The following ABCC1 variants were observed in gnomAD, a reference collection of about 807,000 sequenced individuals.
ABCC1 encodes the protein multidrug resistance-associated protein 1.
Under a neutral mutation model 172.9 loss-of-function variants are expected in ABCC1, and 83 were observed. The observed-to-expected ratio is 0.48, with a 90% CI of 0.40 to 0.58. The LOEUF is 0.58. ABCC1 is among the 20% of genes least tolerant of loss of function. ABCC1 has a pLI of 0.00. For synonymous variants in ABCC1, 937 were observed against 825.2 expected (o/e 1.14, Z -2.32); for missense variants, 1,817 against 2,002.7 (o/e 0.91, Z 1.77).
chr16:16,023,500 C>T (rs960396654), intron 5 of ABCC1, among the ~76,000 whole-genome samples: 5 of 152,174 alleles, frequency 3.3e-5, no homozygotes, highest in African/African-American at 1.2e-4. Flanking sequence ...GATCTTGGAC[C>T]GTTGATTAAA....
At chr16:16,038,670 C>T (rs921514371) in intron 7 of ABCC1, among the ~76,000 whole-genome samples, 31 of 152,140 alleles carry the variant, frequency 2.0e-4, no homozygotes, top group South Asian at 4.1e-4. Context: ...ATCTGGGTAT[C>T]CCTTAACCCA....
At chr16:16,051,104 G>A (rs1406758423) in intron 10 of ABCC1, among the ~76,000 whole-genome samples, 1 of 151,762 alleles carries the variant, frequency 6.6e-6, no homozygotes, top group Admixed American at 6.6e-5. Context: ...GCTCAGCACT[G>A]TTGACACTTG....
chr16:16,032,321 G>A (rs1360947566), intron 5 of ABCC1, among the ~76,000 whole-genome samples: 1 of 152,194 alleles, frequency 6.6e-6, no homozygotes, highest in Non-Finnish European at 1.5e-5. Flanking sequence ...TATTTATCTT[G>A]TGAGGTGAGG....
Position 16,090,796 on chromosome 16 carries a change from A to T in ABCC1, c.2644+208A>T, listed in dbSNP as rs190227578. 3.9e-3 allele frequency among the ~76,000 whole-genome samples: 591 copies of T among 152,200 alleles called. 6 individuals carry two copies. The highest frequency in any genetic ancestry group is 6.5e-3 in the Admixed American group (99 of 15,286). On this transcript the variant is annotated intron_variant, in intron 19 of 30. Transcript: ENST00000399410. Reference sequence around the variant, plus strand: ...AACTGGGAGAGAGTCTCGGTGCTTTATGGCCAGGGGATGGGAGCACCAGGC... The same window carrying T: ...AACTGGGAGAGAGTCTCGGTGCTTTTTGGCCAGGGGATGGGAGCACCAGGC...
At chr16:16,088,359 G>A (rs1477425930) in intron 18 of ABCC1, among the ~76,000 whole-genome samples, 2 of 152,146 alleles carry the variant, frequency 1.3e-5, no homozygotes, top group Non-Finnish European at 2.9e-5. Context: ...GCCGGAGAAT[G>A]TCTTGAACCC....
chr16:16,131,871 G>C lies in ABCC1; in HGVS notation c.3902G>C (p.Arg1301Pro). The change falls in exon 27 of 31, where the codon CGC becomes CCC. Residue 1301 changes from arginine (R) to proline (P), a missense_variant. By Grantham distance (103) the Arg-to-Pro change is moderately radical. This residue lies in a region of ABCC1 where 1,412 missense variants were observed against 1,600.3 expected (regional missense o/e 0.88). Transcript: ENST00000399410. ...GRVEFRNYCLRYREDLDFVLR... is the reference protein window; with the variant it reads ...GRVEFRNYCLPYREDLDFVLR... ...GTGGAATTCCGGAACTACTGCCTGC[G>C]CTACCGAGAGGACCTGGACTTCGTT... is the stretch of plus-strand genomic sequence containing the variant. The C allele has an allele frequency of 6.2e-7, 1 of 1,614,176 alleles. No individual in the cohort carries two copies.
At chr16:16,132,554 C>G (rs370188251) in intron 27 of ABCC1, among the ~76,000 whole-genome samples, 1 of 94,834 alleles carries the variant, frequency 1.1e-5, no homozygotes, top group Non-Finnish European at 1.9e-5. Flanking sequence ...TGGAGTCTTA[C>G]TCTGTTGCCA....
rs564043788 is a variant in ABCC1 at position 16,056,621 on chromosome 16, A to G, written c.1677+326A>G. ...GAGGCGACGGTTGGAGTGGGCCAAG[A>G]TCACGCCAGTGCACTCCAGCCTGGG... On this transcript the variant is annotated intron_variant, in intron 12 of 30. Coordinates refer to ENST00000399410, the MANE Select transcript of ABCC1 (RefSeq NM_004996.4). 1.3e-5 allele frequency: 5 copies of G among 382,864 alleles called. No homozygotes were observed. The East Asian group carries it at 2.4e-4, about 18-fold the overall frequency. 23.7% of individuals were successfully genotyped at this position (382,864 alleles called of 1,614,324 possible). A position where few individuals can be genotyped will look rare whatever the true frequency, so the allele number is the denominator to read the frequency against.
intron 19 of ABCC1, among the ~76,000 whole-genome samples, chr16:16,095,892 C>T (rs943094120): frequency 6.6e-6 from 1 of 152,102 alleles, no homozygotes; most frequent in African/African-American, 2.4e-5. Context: ...AATATTTTTC[C>T]CTCTTAAGTA....
chr16:16,026,465 C>CTTT (rs1157942197), intron 5 of ABCC1, among the ~76,000 whole-genome samples: 14 of 95,494 alleles, frequency 1.5e-4, no homozygotes, highest in African/African-American at 3.3e-4. Flanking sequence ...AGGCTATTTC[C>CTTT]TTTTTTTTTT....
At chr16:16,019,227 C>T (rs535846441) in intron 5 of ABCC1, among the ~76,000 whole-genome samples, 118 of 152,196 alleles carry the variant, frequency 7.8e-4, no homozygotes, top group African/African-American at 2.8e-3. Context: ...CTTCAGCCTC[C>T]TGAGTAGCTG....
chr16:16,116,555 G>A (rs2044878736), intron 23 of ABCC1, among the ~76,000 whole-genome samples: 1 of 151,848 alleles, frequency 6.6e-6, no homozygotes, highest in Non-Finnish European at 1.5e-5. Flanking sequence ...CACATTAGAG[G>A]CGTTATTTTT....
chr16:16,133,019 C>T (rs1456883233), intron 27 of ABCC1, among the ~76,000 whole-genome samples: 1 of 152,070 alleles, frequency 6.6e-6, no homozygotes, highest in African/African-American at 2.4e-5. Flanking sequence ...CCTAGTTGGC[C>T]CCTCCAAAAC....
chr16:16,081,757 C>T (rs1003987995), intron 16 of ABCC1, among the ~76,000 whole-genome samples: 3 of 152,134 alleles, frequency 2.0e-5, no homozygotes, highest in African/African-American at 7.2e-5. Context: ...CGGTGGCTCA[C>T]ATCTGTAATC....
Position 16,142,344 on chromosome 16 carries a change from CCA to C in ABCC1, c.*1065_*1066del, listed in dbSNP as rs1232822280. 3.3e-5 allele frequency: 5 copies of C among 152,162 alleles called. No homozygotes were observed. Among genetic ancestry groups the C allele is most frequent in the Non-Finnish European group, 5.9e-5 (4 of 68,030 alleles). 9.4% of individuals were successfully genotyped at this position (152,162 alleles called of 1,614,324 possible). Reference sequence around the variant, plus strand: ...TGATTGATTTTGTTCTTTTTTCTTACCACCTCTTTTCTTTCCCTCTCATGGTA... The same window carrying C: ...TGATTGATTTTGTTCTTTTTTCTTACCCTCTTTTCTTTCCCTCTCATGGTA... On this transcript the variant is annotated 3_prime_UTR_variant, in exon 31 of 31. Transcript: ENST00000399410.
chr16:15,982,294 C>T (rs2046639625), intron 1 of ABCC1, among the ~76,000 whole-genome samples: 2 of 152,022 alleles, frequency 1.3e-5, no homozygotes, highest in South Asian at 4.1e-4. Context: ...AAAGAACTGC[C>T]CAAGACTGGG....
intron 27 of ABCC1, among the ~76,000 whole-genome samples, chr16:16,132,539 T>G (rs2045742801): frequency 7.7e-6 from 1 of 130,268 alleles, no homozygotes; most frequent in Admixed American, 8.1e-5. Flanking sequence ...TTTTTTTTTT[T>G]GAGATGGAGT....
chr16:16,126,003 T>A, intron 26 of ABCC1, 92 bp downstream of exon 26: 1 of 852,234 alleles, frequency 1.2e-6, no homozygotes, highest in Non-Finnish European at 1.8e-6. Context: ...CCTCTGCCTC[T>A]GAGCTGGATA....
chr16:16,106,837 G>C lies in ABCC1; in HGVS notation c.2835G>C (p.Trp945Cys), dbSNP rs1267785557. ...CTGAGGCCAAGAAGGAGGAGACCTG[G>C]AAGCTGATGGAGGCTGACAAGGCGC... is the stretch of plus-strand genomic sequence containing the variant. Reference protein sequence around the residue: ...QKAEAKKEETWKLMEADKAQT... With the variant: ...QKAEAKKEETCKLMEADKAQT... The change falls in exon 21 of 31, where the codon TGG (tryptophan) becomes TGC (cysteine). Residue 945 changes from tryptophan (W) to cysteine (C), a missense_variant. Transcript: ENST00000399410. 5.0e-6 allele frequency: 8 copies of C among 1,614,182 alleles called. No homozygotes were observed. Among genetic ancestry groups the C allele is most frequent in the Non-Finnish European group, 6.8e-6 (8 of 1,180,042 alleles).
Sources: gnomAD v4.1 joint callset for allele counts (sites outside exome capture counted in the v4.1 genomes callset) on GRCh38, gnomAD v4.1.1 for gene constraint, gnomAD v4.1.1 regional missense constraint, MANE v1.5 for transcripts, NCBI Gene and HGNC (gene_info 2026-07-23, HGNC 2026-07-21) for gene names.